OTOGL: variants seen among roughly 807,000 people sequenced by gnomAD.
OTOGL encodes otogelin like.
A neutral mutation model predicts 318.5 loss-of-function variants in OTOGL; 285 were observed. The observed-to-expected ratio is 0.89, with a 90% CI of 0.81 to 0.99. OTOGL has a LOEUF of 0.99. OTOGL is among the 50% of genes least tolerant of loss of function. The pLI is 0.00. For missense variants in OTOGL, 2,899 were observed against 2,845.6 expected, an observed-to-expected ratio of 1.02 and a Z score of -0.43; for synonymous variants, 987 against 936.5, an observed-to-expected ratio of 1.05 and a Z score of -0.99.
At chr12:80,308,242 T>G (rs1330212522) in intron 29 of OTOGL, among the ~76,000 whole-genome samples, 1 of 147,598 alleles carries the variant, frequency 6.8e-6, no homozygotes, top group Non-Finnish European at 1.5e-5. Flanking sequence ...GGCTCCTCAC[T>G]TCTCAGACGG....
At chr12:80,325,159 T>C (rs1887596997) in intron 35 of OTOGL, among the ~76,000 whole-genome samples, 1 of 152,178 alleles carries the variant, frequency 6.6e-6, no homozygotes, top group Non-Finnish European at 1.5e-5. Flanking sequence ...ATGGCAAATG[T>C]TGCCAATAGG....
Position 80,359,009 on chromosome 12 carries a change from T to C in OTOGL, c.6267+109T>C, listed in dbSNP as rs371833260. The stretch of plus-strand genomic sequence containing the variant: ...CTTAGAGTTAATAAAATTACCCACA[T>C]TAAATTGTACTAAAGTAGATTAAAA... On this transcript the variant is annotated intron_variant, in intron 52 of 58. Transcript: ENST00000547103. 3.5e-4 allele frequency: 323 copies of C among 916,476 alleles called. 3 individuals are homozygous for C. In the South Asian group the frequency reaches 5.6e-3, roughly 16 times the overall value. 56.8% of individuals were successfully genotyped at this position (916,476 alleles called of 1,614,324 possible). A position where few individuals can be genotyped will look rare whatever the true frequency, so the allele number is the denominator to read the frequency against.
chr12:80,201,112 A>G (rs1400222258), intron 1 of OTOGL, among the ~76,000 whole-genome samples: 4 of 152,172 alleles, frequency 2.6e-5, no homozygotes, highest in African/African-American at 7.2e-5. Flanking sequence ...GGCATAACCT[A>G]TGGAGGCAAG....
chr12:80,148,716 C>G (rs1488145230), intron 1 of OTOGL, among the ~76,000 whole-genome samples: 4 of 152,190 alleles, frequency 2.6e-5, no homozygotes, highest in African/African-American at 4.8e-5. Flanking sequence ...TTGGTTTTTT[C>G]ACATAGTCCC....
chr12:80,366,744 A>T, intron 53 of OTOGL, 107 bp downstream of exon 53: 2 of 316,348 alleles, frequency 6.3e-6, no homozygotes, highest in Admixed American at 5.1e-5. Context: ...ATACATTTTA[A>T]GCCATTTGCC....
intron 1 of OTOGL, among the ~76,000 whole-genome samples, chr12:80,145,774 A>G (rs1390166564): frequency 6.6e-6 from 1 of 151,944 alleles, no homozygotes; most frequent in African/African-American, 2.4e-5. Context: ...AGTCCTTCAC[A>G]TCCTTTGTAA....
At position 80,217,591 on chromosome 12, in the gene OTOGL, T is replaced by A. The variant is rs745520285; in HGVS notation, c.169-7T>A. On this transcript the variant is annotated splice_polypyrimidine_tract_variant and splice_region_variant and intron_variant, in intron 4 of 58. Transcript: ENST00000547103. ...CTGTATTGCATTCTCATTTCTTTCT[T>A]TCAAAGTTTGAAGCTACTTCTCCGA... is the stretch of plus-strand genomic sequence containing the variant. 9 of 1,519,824 alleles carry A rather than the reference T, an allele frequency of 5.9e-6. No individual in the cohort carries two copies. In the Admixed American group the frequency reaches 1.7e-4, roughly 29 times the overall value. The allele number at this position is 1,519,824 out of a possible 1,614,324, so 94.1% of individuals were successfully genotyped here.
At chr12:80,218,313 A>G (rs1030160960) in intron 5 of OTOGL, among the ~76,000 whole-genome samples, 10 of 152,206 alleles carry the variant, frequency 6.6e-5, no homozygotes, top group Admixed American at 4.6e-4. Context: ...TTAAAACAGC[A>G]TATTTTTTCC....
chr12:80,111,762 A>C (rs1869853448), intron 1 of OTOGL, among the ~76,000 whole-genome samples: 1 of 152,112 alleles, frequency 6.6e-6, no homozygotes, highest in South Asian at 2.1e-4. Context: ...AAATTTAAGT[A>C]GTTGCTTCTA....
At chr12:80,129,557 T>C (rs1871105220) in intron 1 of OTOGL, among the ~76,000 whole-genome samples, 1 of 152,216 alleles carries the variant, frequency 6.6e-6, no homozygotes, top group Non-Finnish European at 1.5e-5. Flanking sequence ...ACTTTTTGTT[T>C]TGTAATGAGG....
rs559073494 is a variant in OTOGL at position 80,121,513 on chromosome 12, G to C, written c.-20+21908G>C. Among the ~76,000 whole-genome samples, 22 of 152,166 alleles carry C rather than the reference G, an allele frequency of 1.4e-4. No homozygotes were observed. In the South Asian group the frequency reaches 4.6e-3, roughly 32 times the overall value. On this transcript the variant is annotated intron_variant, in intron 1 of 58. Transcript: ENST00000547103. ...GTCTCTAATCCCTCCCTAGAGCAGAGAGTCTATATAACACAAACTGGATTC... is the reference window on the plus strand; with the variant it reads ...GTCTCTAATCCCTCCCTAGAGCAGACAGTCTATATAACACAAACTGGATTC...
intron 32 of OTOGL, among the ~76,000 whole-genome samples, chr12:80,314,698 G>A (rs903710212): frequency 6.6e-6 from 1 of 151,998 alleles, no homozygotes; most frequent in Non-Finnish European, 1.5e-5. Context: ...TTGTTCAAAT[G>A]TTTTTTAAAA....
At chr12:80,154,252 T>A (rs1176294910) in intron 1 of OTOGL, among the ~76,000 whole-genome samples, 1 of 151,920 alleles carries the variant, frequency 6.6e-6, no homozygotes, top group Non-Finnish European at 1.5e-5. Flanking sequence ...GAGGTTGCAG[T>A]GAGCTGAGAT....
chr12:80,163,741 A>G (rs971983590), intron 1 of OTOGL, among the ~76,000 whole-genome samples: 5 of 152,142 alleles, frequency 3.3e-5, no homozygotes, highest in South Asian at 4.1e-4. Context: ...TTTGGGATCA[A>G]TGGGCCCAGT....
intron 22 of OTOGL, among the ~76,000 whole-genome samples, chr12:80,269,662 C>G (rs1883255754): frequency 6.6e-6 from 1 of 152,176 alleles, no homozygotes; most frequent in African/African-American, 2.4e-5. Context: ...TCCATCCACT[C>G]TTCAAAACTG....
At chr12:80,249,477 GGGGGTCA>G (rs1000826545) in intron 11 of OTOGL, among the ~76,000 whole-genome samples, 47 of 151,446 alleles carry the variant, frequency 3.1e-4, no homozygotes, top group African/African-American at 9.5e-4. Context: ...TAGGCTGCTC[GGGGGTCA>G]GGGGTCAGGG....
At chr12:80,232,850 C>G (rs1260989213) in intron 8 of OTOGL, 42 bp from the exon 9 acceptor site, 1 of 1,488,048 alleles carries the variant, frequency 6.7e-7, no homozygotes. Flanking sequence ...GTAATTGAGA[C>G]TTTATCATCA....
intron 35 of OTOGL, among the ~76,000 whole-genome samples, chr12:80,327,957 T>G (rs1459298605): frequency 6.6e-5 from 1 of 15,094 alleles, no homozygotes; most frequent in Non-Finnish European, 1.1e-4. Context: ...AGACTCTGTC[T>G]CAAAAAAAAA....
At chr12:80,108,844 A>ATG (rs1316787933) in intron 1 of OTOGL, among the ~76,000 whole-genome samples, 8 of 74,694 alleles carry the variant, frequency 1.1e-4, no homozygotes, top group African/African-American at 3.4e-4. Context: ...TTGTATATAT[A>ATG]TGTGTATATA....
Sources: gnomAD v4.1 joint callset for allele counts (sites outside exome capture counted in the v4.1 genomes callset) on GRCh38, gnomAD v4.1.1 for gene constraint, MANE v1.5 for transcripts, NCBI Gene and HGNC (gene_info 2026-07-23, HGNC 2026-07-21) for gene names.